The following CSF1R variants were observed in gnomAD, a reference collection of about 807,000 sequenced individuals.
CSF1R encodes colony stimulating factor 1 receptor.
CSF1R carries 40 observed loss-of-function variants against 110.0 expected under a neutral mutation model. The observed-to-expected ratio is 0.36, with a 90% CI of 0.28 to 0.47. The LOEUF is 0.47. Ranked by LOEUF, CSF1R falls within the 20% of genes least tolerant of loss-of-function variation. CSF1R has a pLI of 0.99. For synonymous variants in CSF1R, 523 were observed against 503.4 expected, an observed-to-expected ratio of 1.04 and a Z score of -0.52; for missense variants, 1,052 against 1,253.0, an observed-to-expected ratio of 0.84 and a Z score of 2.42.
At chr5:150,079,725 T>C (rs1459429499) in intron 3 of CSF1R, among the ~76,000 whole-genome samples, 1 of 152,098 alleles carries the variant, frequency 6.6e-6, no homozygotes, top group East Asian at 1.9e-4. Context: ...TCCGCTCTAA[T>C]AAAGTGTTTC....
intron 1 of CSF1R, among the ~76,000 whole-genome samples, chr5:150,105,379 TATA>T (rs1389692873): frequency 8.3e-5 from 7 of 84,328 alleles, no homozygotes; most frequent in South Asian, 3.7e-4. Context: ...TATATATATA[TATA>T]TATTTTTTTT....
chr5:150,093,070 T>C (rs1328123774), intron 1 of CSF1R, among the ~76,000 whole-genome samples: 1 of 152,102 alleles, frequency 6.6e-6, no homozygotes, highest in East Asian at 1.9e-4. Context: ...GTCCTCATGC[T>C]ATATTTATTT....
At chr5:150,055,202 G>T (rs768390568) in intron 19 of CSF1R, 35 bp downstream of exon 19, 1 of 1,575,362 alleles carries the variant, frequency 6.3e-7, no homozygotes, top group Non-Finnish European at 8.7e-7. Flanking sequence ...AAAGCCTGGG[G>T]TGTCCTTTTC....
intron 1 of CSF1R, among the ~76,000 whole-genome samples, chr5:150,108,418 A>T (rs1759616485): frequency 6.6e-6 from 1 of 152,140 alleles, no homozygotes; most frequent in African/African-American, 2.4e-5. Flanking sequence ...TGGAGGGCAG[A>T]TGTGGGAGAG....
intron 1 of CSF1R, among the ~76,000 whole-genome samples, 177 bp downstream of exon 1, chr5:150,086,202 C>T (rs1041587668): frequency 6.6e-6 from 1 of 152,138 alleles, no homozygotes; most frequent in Non-Finnish European, 1.5e-5. Flanking sequence ...TTCCACCACA[C>T]CCATCTCTTT....
At chr5:150,063,258 C>T (rs764689487) in intron 10 of CSF1R, among the ~76,000 whole-genome samples, 6 of 152,118 alleles carry the variant, frequency 3.9e-5, no homozygotes, top group Admixed American at 6.5e-5. Context: ...TTGCCTGCCT[C>T]GGTCTCTCAA....
intron 2 of CSF1R, 53 bp from the exon 3 acceptor site, chr5:150,080,389 G>A: frequency 6.3e-7 from 1 of 1,579,144 alleles, no homozygotes; most frequent in Non-Finnish European, 8.6e-7. Flanking sequence ...ACTGGGCCAA[G>A]GAGTACCTGG....
intron 1 of CSF1R, 101 bp from the exon 2 acceptor site, chr5:150,081,125 G>A (rs1163883289): frequency 1.5e-6 from 2 of 1,378,560 alleles, no homozygotes; most frequent in Non-Finnish European, 2.0e-6. Context: ...GGATGGTGCT[G>A]TGCCATCAAG....
At position 150,093,785 on chromosome 5, in the gene CSF1R, C is replaced by T. The variant is rs141286750; in HGVS notation, c.-180-7178G>A. ...CATAAACATGTACAATTATTGAGGC[C>T]GGGCACAGTGGCTCACGCCTGTAAT... On this transcript the variant is annotated intron_variant, in intron 1 of 21. Coordinates refer to the CSF1R transcript ENST00000286301. 6.0e-3 allele frequency among the ~76,000 whole-genome samples: 915 copies of T among 152,204 alleles called. 8 individuals carry two copies. The highest frequency in any genetic ancestry group is 0.014 in the Middle Eastern group (4 of 294).
chr5:150,073,282 G>A lies in CSF1R; in HGVS notation c.1082+19C>T, dbSNP rs371444510. The A allele has an allele frequency of 2.8e-5, 45 of 1,605,284 alleles. No homozygotes were observed. The highest frequency in any genetic ancestry group is 1.8e-4 in the Middle Eastern group (1 of 5,448). The stretch of plus-strand genomic sequence containing the variant: ...CATCTGGTTGTCGGGCTGTGTAGAC[G>A]GGAGCTGATAAGTGGTACCTGTATG... On this transcript the variant is annotated intron_variant, in intron 6 of 20. Coordinates refer to ENST00000675795, the MANE Select transcript of CSF1R (RefSeq NM_001288705.3).
rs2113824376 is a variant in CSF1R, at chr5:150,077,350, T to C, written c.815A>G (p.His272Arg). The change falls in exon 5 of 21, where the codon CAT becomes CGT. Residue 272 changes from histidine to arginine, a missense_variant. By Grantham distance (29) the His-to-Arg change is conservative (BLOSUM62 0). This residue lies in a region of CSF1R where 693 missense variants were observed against 735.4 expected (regional missense o/e 0.94). Coordinates refer to ENST00000675795, the MANE Select transcript of CSF1R (RefSeq NM_001288705.3). ...TLNLDQVDFQ[H>R]AGNYSCVASN... is the part of the protein sequence containing the mutation. ...GGCCACGCAGGAGTAGTTGCCGGCATGTTGGAAATCTACTTGATCGAGGTT... is the reference window on the plus strand; with the variant it reads ...GGCCACGCAGGAGTAGTTGCCGGCACGTTGGAAATCTACTTGATCGAGGTT... 2 of 1,614,186 alleles carry C rather than the reference T, an allele frequency of 1.2e-6. No homozygotes were observed. Among genetic ancestry groups the C allele is most frequent in the Non-Finnish European group, 1.7e-6 (2 of 1,180,032 alleles).
At chr5:150,072,251 T>G (rs1758062432) in intron 6 of CSF1R, among the ~76,000 whole-genome samples, 1 of 152,144 alleles carries the variant, frequency 6.6e-6, no homozygotes, top group Admixed American at 6.5e-5. Flanking sequence ...CCTAGCACCT[T>G]GGGAGGCCGA....
At chr5:150,089,493 G>C (rs938197388), upstream of CSF1R, among the ~76,000 whole-genome samples, 6 of 152,258 alleles carry the variant, frequency 3.9e-5, no homozygotes, top group East Asian at 1.2e-3. Context: ...AATAAACTAA[G>C]GAGATGCATG....
rs70973563 is a variant in CSF1R at position 150,085,277 on chromosome 5, G to GAAAAAAAAAAAAAAAAAAAA, written c.49+1101_49+1102insTTTTTTTTTTTTTTTTTTTT. ...GTGACAGAGAGAGACTCTGTCTCAG[G>GAAAAAAAAAAAAAAAAAAAA]AAAAAAAAAAAAAAAACCCAAATAC... On this transcript the variant is annotated intron_variant, in intron 1 of 20. Transcript: ENST00000675795. 2.7e-3 allele frequency among the ~76,000 whole-genome samples: 248 copies of GAAAAAAAAAAAAAAAAAAAA among 92,414 alleles called. 12 individuals are homozygous for GAAAAAAAAAAAAAAAAAAAA. The highest frequency in any genetic ancestry group is 3.8e-3 in the Non-Finnish European group (187 of 49,478). The allele number at this position is 92,414 out of a possible 152,430, so 60.6% of individuals were successfully genotyped here. A position where few individuals can be genotyped will look rare whatever the true frequency, so the allele number is the denominator to read the frequency against.
In CSF1R at chr5:150,069,876, C is replaced by A. The variant is rs1347390744; in HGVS notation, c.1507G>T (p.Ala503Ser). The A allele has an allele frequency of 2.5e-6, 4 of 1,608,348 alleles. No individual in the cohort carries two copies. Among genetic ancestry groups the A allele is most frequent in the East Asian group, 4.5e-5 (2 of 44,764 alleles). ...GGGTGCGAAGGCTCCCTCTCACCTG[C>A]AGAGATGGGTATGAAGGCCCAGGAG... ...SGSWAFIPIS[A>S]GAHTHPPDEF... The change falls in exon 9 of 21, where the codon GCA becomes TCA. Residue 503 changes from alanine (A) to serine (S), a missense_variant. Transcript: ENST00000675795.
chr5:150,084,769 TA>T (rs145324551), intron 1 of CSF1R, among the ~76,000 whole-genome samples: 1 of 150,870 alleles, frequency 6.6e-6, no homozygotes, highest in Non-Finnish European at 1.5e-5. Flanking sequence ...TCCATCTCAA[TA>T]AAAAAAATAA....
intron 1 of CSF1R, among the ~76,000 whole-genome samples, chr5:150,105,360 A>AT (rs1581352554): frequency 1.2e-3 from 120 of 100,658 alleles, no homozygotes; most frequent in East Asian, 5.7e-3. Flanking sequence ...AAAAAAAAAA[A>AT]AAAATATATA....
intron 5 of CSF1R, 129 bp downstream of exon 5, chr5:150,077,147 G>C: frequency 7.9e-7 from 1 of 1,259,026 alleles, no homozygotes; most frequent in African/African-American, 1.5e-5. Context: ...CCAGGCCTTG[G>C]ATAAACAAAC....
chr5:150,067,843 C>T lies in CSF1R; in HGVS notation c.1626+372G>A, dbSNP rs1036870735. On this transcript the variant is annotated intron_variant, in intron 10 of 20. Transcript: ENST00000675795. ...AGCCTCTCACTCTATAATCCATGCT[C>T]TTGCTTTCACGGCTTTTTGTTTGTT... is the stretch of plus-strand genomic sequence containing the variant. Among the ~76,000 whole-genome samples the T allele has an allele frequency of 1.2e-4, 19 of 152,204 alleles. 1 individual carries two copies. The highest frequency in any genetic ancestry group is 4.6e-4 in the African/African-American group (19 of 41,462).
Sources: allele counts gnomAD v4.1 joint callset (sites outside exome capture counted in the v4.1 genomes callset), GRCh38; gene constraint gnomAD v4.1.1; regional missense constraint gnomAD v4.1.1; transcripts MANE v1.5; gene names NCBI Gene and HGNC (gene_info 2026-07-23, HGNC 2026-07-21).